The following GLYATL2 variants were observed in gnomAD, a reference collection of about 807,000 sequenced individuals.
GLYATL2 encodes the protein glycine-N-acyltransferase like 2, also known as glycine N-acyltransferase-like protein 2.
Under a neutral mutation model 21.4 loss-of-function variants are expected in GLYATL2, and 25 were observed. The observed-to-expected ratio is 1.17, with a 90% CI of 0.85 to 1.63. The LOEUF (loss-of-function observed/expected upper bound fraction) is 1.63, where lower values mean the gene tolerates loss of function less well. Among genes scored for constraint, GLYATL2 ranks in the 40% most tolerant of loss-of-function variants. The probability of loss-of-function intolerance (pLI) is 0.00; values close to 1 mark genes in which losing one functional copy is unlikely to be tolerated. For synonymous variants in GLYATL2, 114 were observed against 118.2 expected (o/e 0.96, Z 0.23); for missense variants, 361 against 343.3 (o/e 1.05, Z -0.41).
rs1404965956 is a variant in GLYATL2, at chr11:58,850,046, G to T, written n.61-11678C>A. On this transcript the variant is annotated intron_variant and non_coding_transcript_variant, in intron 1 of 4. Transcript: ENST00000533636. The stretch of plus-strand genomic sequence containing the variant: ...CAAATATTATCCTGATACCAAAACC[G>T]AAGACACATCAAAACACAGAAAACT... 2.6e-5 allele frequency among the ~76,000 whole-genome samples: 4 copies of T among 152,166 alleles called. 1 individual carries two copies. The highest frequency in any genetic ancestry group is 6.8e-3 in the Middle Eastern group (2 of 294).
chr11:58,901,547 C>T (rs1854740162), intron 1 of GLYATL2, among the ~76,000 whole-genome samples: 1 of 152,134 alleles, frequency 6.6e-6, no homozygotes, highest in Admixed American at 6.5e-5. Context: ...TGGCAGATCT[C>T]TTTAATTTAT....
rs139515028 is a variant in GLYATL2, at chr11:58,894,172, G to T, written n.60+9984C>A. Among the ~76,000 whole-genome samples, 5 of 152,116 alleles carry T rather than the reference G, an allele frequency of 3.3e-5. No homozygotes were observed. In the East Asian group the frequency reaches 9.6e-4, roughly 29 times the overall value. ...CTGCAAGTATGGTTATAAGTTCAGC[G>T]CTTGGTGTTTGCAGCACTGCTATCT... On this transcript the variant is annotated intron_variant and non_coding_transcript_variant, in intron 1 of 4. Coordinates refer to the GLYATL2 transcript ENST00000533636.
chr11:58,837,783 G>A (rs565784325), intron 3 of GLYATL2, among the ~76,000 whole-genome samples: 7 of 152,342 alleles, frequency 4.6e-5, no homozygotes, highest in Admixed American at 3.3e-4. Context: ...TGACCCAGGG[G>A]GCTGGCTCAG....
chr11:58,837,036 A>AATAACTCC lies in GLYATL2; in HGVS notation c.447_454dup (p.Phe152TrpfsTer20). ...TCACTTGTTATCATCATCCACTTCA[A>AATAACTCC]ATAACTCCATCTTGTCATTACTTGA... On this transcript the variant is annotated frameshift_variant, in exon 5 of 6. Coordinates refer to ENST00000287275, the MANE Select transcript of GLYATL2 (RefSeq NM_145016.4). LOFTEE classifies it low-confidence loss of function (END_TRUNC). 1 of 1,613,118 alleles carries AATAACTCC rather than the reference A, an allele frequency of 6.2e-7. No individual in the cohort carries two copies. Among genetic ancestry groups the AATAACTCC allele is most frequent in the Non-Finnish European group, 8.5e-7 (1 of 1,179,598 alleles).
chr11:58,905,715 C>A, upstream of GLYATL2: 1 of 148,098 alleles, frequency 6.8e-6, no homozygotes, highest in South Asian at 5.3e-5. Flanking sequence ...ATCGCTGGGA[C>A]CGGGATGGGT....
intron 1 of GLYATL2, among the ~76,000 whole-genome samples, chr11:58,900,048 G>A (rs909143799): frequency 6.6e-6 from 1 of 152,052 alleles, no homozygotes; most frequent in African/African-American, 2.4e-5. Context: ...GCGGAGCACC[G>A]GAATTCTGTG....
chr11:58,836,963 G>A, intron 5 of GLYATL2, 52 bp downstream of exon 5: 1 of 1,505,600 alleles, frequency 6.6e-7, no homozygotes, highest in Non-Finnish European at 9.1e-7. Context: ...AGCCTTTGTG[G>A]CAACTCAGTA....
At position 58,834,798 on chromosome 11, in the gene GLYATL2, A is replaced by G; in HGVS notation, c.516T>C (p.His172=). The G allele has an allele frequency of 6.2e-7, 1 of 1,609,492 alleles. No individual in the cohort carries two copies. Among genetic ancestry groups the G allele is most frequent in the East Asian group, 2.2e-5 (1 of 44,862 alleles). ...CCCAGTGTTCATTCACAAGACCTGC[A>G]TGTGAAGCATCTAAGAACATGTTTG... ...NFSNMFLDAS[H]AGLVNEHWAF... The change falls in exon 6 of 6, where the codon CAT becomes CAC. Residue 172 remains histidine, a synonymous_variant. Transcript: ENST00000287275.
intron 1 of GLYATL2, among the ~76,000 whole-genome samples, chr11:58,883,529 T>A (rs1218326557): frequency 1.3e-5 from 2 of 152,034 alleles, no homozygotes; most frequent in Admixed American, 1.3e-4. Flanking sequence ...AGAAGTTGAA[T>A]CCCTGAATAG....
intron 1 of GLYATL2, among the ~76,000 whole-genome samples, chr11:58,850,282 G>A (rs1853716270): frequency 6.6e-6 from 1 of 151,910 alleles, no homozygotes; most frequent in South Asian, 2.1e-4. Context: ...TTGTTCAGAG[G>A]TTTTATTATG....
In GLYATL2 at chr11:58,887,825, C is replaced by T. The variant is rs544040816; in HGVS notation, n.60+16331G>A. Among the ~76,000 whole-genome samples, 9 of 152,240 alleles carry T rather than the reference C, an allele frequency of 5.9e-5. No individual in the cohort carries two copies. In the East Asian group the frequency reaches 1.3e-3, roughly 23 times the overall value. On this transcript the variant is annotated intron_variant and non_coding_transcript_variant, in intron 1 of 4. Coordinates refer to the GLYATL2 transcript ENST00000533636. ...CATCCTTGTATACATGTCTTTACAT[C>T]CTGGAAACTTTTCTCAATACAATTG... is the stretch of plus-strand genomic sequence containing the variant.
At chr11:58,848,036 G>A (rs376905957), upstream of GLYATL2, among the ~76,000 whole-genome samples, 1,125 of 134,050 alleles carry the variant, frequency 8.4e-3, 16 homozygotes, top group African/African-American at 0.03. Context: ...AGTAAGGGAA[G>A]AAAACAGAAC....
intron 1 of GLYATL2, among the ~76,000 whole-genome samples, chr11:58,872,811 A>G (rs1011057359): frequency 1.1e-4 from 16 of 152,184 alleles, no homozygotes; most frequent in Middle Eastern, 3.2e-3. Context: ...GTTTTTTCCA[A>G]TTCTGTGAAG....
intron 1 of GLYATL2, among the ~76,000 whole-genome samples, chr11:58,889,211 T>G (rs1199705264): frequency 1.3e-5 from 2 of 152,046 alleles, no homozygotes; most frequent in Non-Finnish European, 1.5e-5. Context: ...TTATTTATAT[T>G]CTTGATTTCC....
intron 1 of GLYATL2, among the ~76,000 whole-genome samples, chr11:58,898,034 A>G (rs1485716357): frequency 6.6e-6 from 1 of 152,194 alleles, no homozygotes; most frequent in African/African-American, 2.4e-5. Context: ...TTATCCATCA[A>G]GTTCTCTTAT....
chr11:58,885,857 C>T (rs556554771), intron 1 of GLYATL2, among the ~76,000 whole-genome samples: 4 of 152,122 alleles, frequency 2.6e-5, no homozygotes, highest in African/African-American at 4.8e-5. Context: ...AGGAAAAGTT[C>T]GGTGTCTGAG....
At chr11:58,908,691 A>T (rs1015660996), upstream of GLYATL2, 1 of 152,326 alleles carries the variant, frequency 6.6e-6, no homozygotes. Context: ...GAGCTCATAC[A>T]CATAAGTGCT....
intron 1 of GLYATL2, among the ~76,000 whole-genome samples, chr11:58,901,208 A>G (rs902350771): frequency 6.6e-6 from 1 of 152,164 alleles, no homozygotes; most frequent in African/African-American, 2.4e-5. Context: ...TGACCAGCTG[A>G]ACGGACTCAC....
upstream of GLYATL2, chr11:58,907,479 G>T (rs80261111): frequency 1.3e-5 from 5 of 389,732 alleles, no homozygotes; most frequent in Middle Eastern, 1.6e-3. Flanking sequence ...GCTCTTTTTT[G>T]TTTGTTTTGT....
Sources: allele counts gnomAD v4.1 joint callset (sites outside exome capture counted in the v4.1 genomes callset), GRCh38; gene constraint gnomAD v4.1.1; transcripts MANE v1.5; gene names NCBI Gene and HGNC (gene_info 2026-07-23, HGNC 2026-07-21).